Variants in ITGAV observed in about 807,000 individuals in gnomAD.
The protein encoded by ITGAV is integrin subunit alpha V, also known as integrin alpha-V.
ITGAV carries 76 observed loss-of-function variants against 143.8 expected under a neutral mutation model. The observed-to-expected ratio is 0.53, with a 90% CI of 0.44 to 0.64. The LOEUF is 0.64. ITGAV is among the 30% of genes least tolerant of loss of function. The pLI, the probability that ITGAV is intolerant of heterozygous loss-of-function variation, is 0.00. For synonymous variants in ITGAV, 453 were observed against 446.7 expected, an observed-to-expected ratio of 1.01 and a Z score of -0.18; for missense variants, 1,193 against 1,274.7, an observed-to-expected ratio of 0.94 and a Z score of 0.98.
At chr2:186,653,108 G>T (rs1349446615) in intron 15 of ITGAV, among the ~76,000 whole-genome samples, 1 of 151,720 alleles carries the variant, frequency 6.6e-6, no homozygotes, top group Non-Finnish European at 1.5e-5. Context: ...AACACGCCCG[G>T]CTAATTTTTT....
Position 186,668,900 on chromosome 2 carries a change from A to C in ITGAV, c.2572A>C (p.Ile858Leu). The C allele has an allele frequency of 6.2e-7, 1 of 1,609,826 alleles. No homozygotes were observed. Among genetic ancestry groups the C allele is most frequent in the Non-Finnish European group, 8.5e-7 (1 of 1,178,412 alleles). Residue 858 changes from isoleucine to leucine, a missense_variant, in exon 25 of 30, where the codon ATC (isoleucine) becomes CTC (leucine). Physicochemically the swap from Ile to Leu is conservative, Grantham distance 5 (BLOSUM62 2). Transcript: ENST00000261023. Reference protein sequence around the residue: ...GPMNCTSDMEINPLRIKISSL... With the variant: ...GPMNCTSDMELNPLRIKISSL... ...AATGAACTGCACTTCAGATATGGAG[A>C]TCAACCCTTTGAGAATTAAGGTAAT...
At chr2:186,642,081 T>A (rs1300817567) in intron 12 of ITGAV, among the ~76,000 whole-genome samples, 1 of 152,250 alleles carries the variant, frequency 6.6e-6, no homozygotes, top group Admixed American at 6.5e-5. Flanking sequence ...GGATGTTATA[T>A]CTCCCTTTAT....
intron 26 of ITGAV, among the ~76,000 whole-genome samples, chr2:186,673,317 C>G (rs1162451860): frequency 1.3e-5 from 2 of 152,064 alleles, no homozygotes; most frequent in African/African-American, 4.8e-5. Context: ...TTTTGATTAC[C>G]ATAGCTCTGG....
rs1389540430 is a variant in ITGAV at position 186,677,834 on chromosome 2, A to G, written c.*542A>G. 6.5e-6 allele frequency: 1 copy of G among 152,718 alleles called. No homozygotes were observed. The highest frequency in any genetic ancestry group is 2.4e-5 in the African/African-American group (1 of 41,444). 9.5% of individuals were successfully genotyped at this position (152,718 alleles called of 1,614,324 possible). On this transcript the variant is annotated 3_prime_UTR_variant, in exon 30 of 30. Coordinates refer to ENST00000261023, the MANE Select transcript of ITGAV (RefSeq NM_002210.5). ...TCATATGGTAGAATTTTATAAACAC[A>G]TACATGATACCATCCAAATTCTTGC... is the stretch of plus-strand genomic sequence containing the variant.
At position 186,590,308 on chromosome 2, in the gene ITGAV, C is replaced by T; in HGVS notation, c.-31C>T. On this transcript the variant is annotated 5_prime_UTR_variant, in exon 1 of 30. Coordinates refer to ENST00000261023, the MANE Select transcript of ITGAV (RefSeq NM_002210.5). ...GGGGCGGGGGGAGGTGGCTACCGCT[C>T]CCGGCTTGGCGTCCCGCGCGCACTT... 1 of 1,527,104 alleles carries T rather than the reference C, an allele frequency of 6.5e-7. No homozygotes were observed. Among genetic ancestry groups the T allele is most frequent in the South Asian group, 1.2e-5 (1 of 81,380 alleles). The allele number at this position is 1,527,104 out of a possible 1,614,324, so 94.6% of individuals were successfully genotyped here.
chr2:186,629,385 A>C lies in ITGAV; in HGVS notation c.524-1412A>C, dbSNP rs190860205. Among the ~76,000 whole-genome samples the C allele has an allele frequency of 8.5e-5, 13 of 152,116 alleles. No individual in the cohort carries two copies. The East Asian group carries it at 2.5e-3, about 29-fold the overall frequency. ...AAGGATGTCTTTATAAATAGCTTGA[A>C]ATAGTTCCCCAGATGCAACTTGAAT... On this transcript the variant is annotated intron_variant, in intron 4 of 29. Coordinates refer to ENST00000261023, the MANE Select transcript of ITGAV (RefSeq NM_002210.5).
intron 13 of ITGAV, among the ~76,000 whole-genome samples, chr2:186,648,058 T>C (rs759653650): frequency 2.1e-4 from 32 of 152,242 alleles, no homozygotes; most frequent in Non-Finnish European, 4.0e-4. Context: ...TTCATAGTGT[T>C]TTATTCAACG....
At chr2:186,633,449 C>T in intron 6 of ITGAV, 75 bp downstream of exon 6, 2 of 740,654 alleles carry the variant, frequency 2.7e-6, no homozygotes, top group East Asian at 2.6e-5. Flanking sequence ...ATGCCTATGA[C>T]ATTTTACAAA....
chr2:186,601,670 C>T (rs1686910713), intron 1 of ITGAV, among the ~76,000 whole-genome samples: 1 of 151,586 alleles, frequency 6.6e-6, no homozygotes, highest in Non-Finnish European at 1.5e-5. Flanking sequence ...AACACCAAAA[C>T]AAAACTTTCC....
At chr2:186,613,974 A>C (rs1379590042) in intron 2 of ITGAV, among the ~76,000 whole-genome samples, 2 of 152,132 alleles carry the variant, frequency 1.3e-5, no homozygotes, top group Non-Finnish European at 2.9e-5. Context: ...AGGAACGCTA[A>C]TGCTTAAAGA....
chr2:186,617,396 A>G lies in ITGAV; in HGVS notation c.317-4943A>G, dbSNP rs200177681. ...ACACCGGGGAAAAGAGTTGGCTGCTAATAAGGAGTAGAGTCGAAAGCTACG... is the reference window on the plus strand; with the variant it reads ...ACACCGGGGAAAAGAGTTGGCTGCTGATAAGGAGTAGAGTCGAAAGCTACG... On this transcript the variant is annotated intron_variant, in intron 2 of 29. Transcript: ENST00000261023. Among the ~76,000 whole-genome samples the G allele has an allele frequency of 1.5e-4, 23 of 152,322 alleles. No individual in the cohort carries two copies. The East Asian group carries it at 4.4e-3, about 29-fold the overall frequency.
At chr2:186,656,987 A>AACACACACAC (rs56249746) in intron 17 of ITGAV, among the ~76,000 whole-genome samples, 58 of 139,426 alleles carry the variant, frequency 4.2e-4, no homozygotes, top group African/African-American at 1.2e-3. Context: ...GAATTCATTA[A>AACACACACAC]ACACACACAC....
At chr2:186,595,969 T>C (rs1176516619) in intron 1 of ITGAV, among the ~76,000 whole-genome samples, 1 of 152,204 alleles carries the variant, frequency 6.6e-6, no homozygotes, top group Non-Finnish European at 1.5e-5. Context: ...TAATGGCCCT[T>C]TGAAAACACT....
intron 1 of ITGAV, among the ~76,000 whole-genome samples, chr2:186,595,634 A>G (rs1281059315): frequency 6.6e-6 from 1 of 152,036 alleles, no homozygotes; most frequent in East Asian, 1.9e-4. Context: ...GCATGGATGT[A>G]AACCTTAATT....
intron 6 of ITGAV, 138 bp from the exon 7 acceptor site, chr2:186,635,944 C>G: frequency 1.7e-6 from 1 of 603,972 alleles, no homozygotes; most frequent in East Asian, 3.2e-5. Context: ...TGAGTATGAT[C>G]AAGGAGAGTT....
At chr2:186,652,247 C>T (rs926763201) in intron 15 of ITGAV, among the ~76,000 whole-genome samples, 158 bp downstream of exon 15, 20 of 152,322 alleles carry the variant, frequency 1.3e-4, no homozygotes, top group Admixed American at 2.6e-4. Context: ...CAAGGTCTGC[C>T]TCTGTTGCCC....
At chr2:186,647,238 A>T (rs200967852) in intron 13 of ITGAV, among the ~76,000 whole-genome samples, 3 of 146,298 alleles carry the variant, frequency 2.1e-5, no homozygotes, top group South Asian at 2.2e-4. Flanking sequence ...AATAGTTGTG[A>T]TTTTTTTTTT....
chr2:186,600,768 G>A lies in ITGAV; in HGVS notation c.186-1253G>A, dbSNP rs181195150. ...GAGGTCAGGAGTTAGAGACCAGCCTGACCAATATGGTGAAACCCTGTCTCT... is the reference window on the plus strand; with the variant it reads ...GAGGTCAGGAGTTAGAGACCAGCCTAACCAATATGGTGAAACCCTGTCTCT... On this transcript the variant is annotated intron_variant, in intron 1 of 29. Coordinates refer to ENST00000261023, the MANE Select transcript of ITGAV (RefSeq NM_002210.5). Among the ~76,000 whole-genome samples the A allele has an allele frequency of 2.8e-3, 427 of 152,298 alleles. 2 individuals are homozygous for A. Among genetic ancestry groups the A allele is most frequent in the South Asian group, 7.7e-3 (37 of 4,824 alleles).
chr2:186,596,192 A>G (rs1032650744), intron 1 of ITGAV, among the ~76,000 whole-genome samples: 4 of 152,192 alleles, frequency 2.6e-5, no homozygotes, highest in African/African-American at 9.7e-5. Flanking sequence ...TACAGTGGGC[A>G]TTGTTATTGC....
Sources: allele counts gnomAD v4.1 joint callset (sites outside exome capture counted in the v4.1 genomes callset), GRCh38; gene constraint gnomAD v4.1.1; transcripts MANE v1.5; gene names NCBI Gene and HGNC (gene_info 2026-07-23, HGNC 2026-07-21).